Variants in BRWD1 observed in about 807,000 individuals in gnomAD.
The protein encoded by BRWD1 is bromodomain and WD repeat-containing protein 1.
A neutral mutation model predicts 251.2 loss-of-function variants in BRWD1; 82 were observed. The observed-to-expected ratio is 0.33, with a 90% CI of 0.27 to 0.39. The LOEUF is 0.39. Ranked by LOEUF, BRWD1 falls within the 10% of genes least tolerant of loss-of-function variation. The probability of loss-of-function intolerance (pLI) is 1.00; values close to 1 mark genes in which losing one functional copy is unlikely to be tolerated. For missense variants in BRWD1, 2,233 were observed against 2,711.6 expected (o/e 0.82, Z 3.92); for synonymous variants, 918 against 902.8 (o/e 1.02, Z -0.30).
chr21:39,314,397 C>G (rs574874453), upstream of BRWD1: 1 of 452,224 alleles, frequency 2.2e-6, no homozygotes. Context: ...GCTGACGGCT[C>G]GGCTGGATCC....
chr21:39,199,840 T>A (rs761432223), intron 39 of BRWD1, among the ~76,000 whole-genome samples, 178 bp from the exon 40 acceptor site: 11 of 152,212 alleles, frequency 7.2e-5, no homozygotes, highest in Non-Finnish European at 1.5e-4. Context: ...AACCTCTGCC[T>A]CCTGGGTGCA....
intron 4 of BRWD1, among the ~76,000 whole-genome samples, chr21:39,303,645 C>G (rs552319786): frequency 2.3e-4 from 35 of 151,642 alleles, no homozygotes; most frequent in African/African-American, 7.7e-4. Flanking sequence ...GCCTGGGCAA[C>G]ATGGCAAAAC....
intron 27 of BRWD1, 93 bp downstream of exon 27, chr21:39,228,407 A>G: frequency 1.3e-6 from 1 of 791,734 alleles, no homozygotes; most frequent in South Asian, 1.6e-5. Flanking sequence ...ATGTTTGTAT[A>G]TACTATAATT....
chr21:39,268,188 T>C (rs2034986128), intron 15 of BRWD1, among the ~76,000 whole-genome samples: 2 of 152,122 alleles, frequency 1.3e-5, no homozygotes, highest in African/African-American at 4.8e-5. Context: ...ATTAGTTTAA[T>C]AATTATATTG....
chr21:39,318,843 C>T lies in BRWD1; in HGVS notation n.534+2183G>A, dbSNP rs550682926. Reference sequence around the variant, plus strand: ...CTCTGTTGCCCAGGCTGGTCTCAAACTCCTGGCCTCAAGTGATCCTCCCGC... The same window carrying T: ...CTCTGTTGCCCAGGCTGGTCTCAAATTCCTGGCCTCAAGTGATCCTCCCGC... On this transcript the variant is annotated intron_variant and non_coding_transcript_variant, in intron 1 of 4. Transcript: ENST00000470108. Among the ~76,000 whole-genome samples, 33 of 152,268 alleles carry T rather than the reference C, an allele frequency of 2.2e-4. No individual in the cohort carries two copies. In the South Asian group the frequency reaches 3.7e-3, roughly 17 times the overall value.
intron 21 of BRWD1, 63 bp downstream of exon 21, chr21:39,247,638 A>T: frequency 6.7e-7 from 1 of 1,481,548 alleles, no homozygotes; most frequent in South Asian, 1.4e-5. Context: ...ATTCATTCAA[A>T]GTAAAGAATT....
chr21:39,212,666 TCTC>T lies in BRWD1; in HGVS notation c.3897_3899del (p.Arg1300del), dbSNP rs755715693. On this transcript the variant is annotated inframe_deletion and splice_region_variant, in exon 34 of 41. Coordinates refer to ENST00000342449, the MANE Select transcript of BRWD1 (RefSeq NM_033656.4). Reference sequence around the variant, plus strand: ...AAGTCAACCATGCAGAGTAACTTACTCTCCTCCTTCCAGAAGATGTTTTAGGAA... The same window carrying T: ...AAGTCAACCATGCAGAGTAACTTACTCTCCTTCCAGAAGATGTTTTAGGAA... 1.9e-6 allele frequency: 3 copies of T among 1,570,120 alleles called. No individual in the cohort carries two copies. Among genetic ancestry groups the T allele is most frequent in the Non-Finnish European group, 2.6e-6 (3 of 1,145,280 alleles).
chr21:39,312,984 G>GCGGGGGGCCGGGGGCGGT, intron 3 of BRWD1, 84 bp from the exon 4 acceptor site: 1 of 988,378 alleles, frequency 1.0e-6, no homozygotes, highest in Non-Finnish European at 1.3e-6. Context: ...CGGGCGGCGG[G>GCGGGGGGCCGGGGGCGGT]CGGCGGGCGG....
At chr21:39,218,806 T>G in intron 29 of BRWD1, 146 bp from the exon 30 acceptor site, 1 of 595,750 alleles carries the variant, frequency 1.7e-6, no homozygotes, top group South Asian at 4.2e-5. Context: ...TCTTTTAAAA[T>G]TACTCATTGA....
In BRWD1 at chr21:39,264,565, C is replaced by T; in HGVS notation, c.1780G>A (p.Asp594Asn). The change falls in exon 17 of 41, where the codon GAT becomes AAT. Residue 594 changes from aspartate (D) to asparagine (N), a missense_variant. Coordinates refer to ENST00000342449, the MANE Select transcript of BRWD1 (RefSeq NM_033656.4). The stretch of plus-strand genomic sequence containing the variant: ...GTTGGATGAGGATTTCCATCTACAT[C>T]TACCAAGAATGGTGGAGGCATAAGA... ...PHLMPPPFLV[D>N]VDGNPHPTKY... 1 of 1,613,312 alleles carries T rather than the reference C, an allele frequency of 6.2e-7. No individual in the cohort carries two copies. The highest frequency in any genetic ancestry group is 8.5e-7 in the Non-Finnish European group (1 of 1,179,650).
At chr21:39,247,172 G>A (rs538953925) in intron 21 of BRWD1, among the ~76,000 whole-genome samples, 11 of 152,236 alleles carry the variant, frequency 7.2e-5, no homozygotes, top group African/African-American at 2.4e-4. Flanking sequence ...TGGGGGAGAG[G>A]GAGGGACTGG....
chr21:39,202,568 G>T (rs374431702), intron 37 of BRWD1, 23 bp from the exon 38 acceptor site: 2 of 1,539,304 alleles, frequency 1.3e-6, no homozygotes, highest in Non-Finnish European at 1.8e-6. Flanking sequence ...ATGAACAAAG[G>T]AAACAGTATT....
At position 39,255,840 on chromosome 21, in the gene BRWD1, T is replaced by C. The variant is rs768797014; in HGVS notation, c.2072-12A>G. 2 of 1,611,192 alleles carry C rather than the reference T, an allele frequency of 1.2e-6. No individual in the cohort carries two copies. The highest frequency in any genetic ancestry group is 1.1e-5 in the South Asian group (1 of 91,008). On this transcript the variant is annotated splice_polypyrimidine_tract_variant and intron_variant, in intron 18 of 40. Coordinates refer to ENST00000342449, the MANE Select transcript of BRWD1 (RefSeq NM_033656.4). ...CAGCCTTCTAAAACCTAGGAAAATA[T>C]GATGGGGAAGTGATTCCAATACACT...
At chr21:39,264,310 G>A in intron 17 of BRWD1, 150 bp downstream of exon 17, 1 of 533,854 alleles carries the variant, frequency 1.9e-6, no homozygotes. Context: ...AAGTTAAATG[G>A]TTCAAAACAA....
intron 21 of BRWD1, among the ~76,000 whole-genome samples, chr21:39,241,643 AT>A (rs935419399): frequency 2.6e-5 from 4 of 152,130 alleles, no homozygotes; most frequent in African/African-American, 9.7e-5. Flanking sequence ...AGACAAAAAA[AT>A]ACATGTGTCT....
At chr21:39,312,794 G>A (rs971878592) in intron 4 of BRWD1, 47 bp downstream of exon 4, 2 of 1,511,942 alleles carry the variant, frequency 1.3e-6, no homozygotes, top group African/African-American at 1.4e-5. Flanking sequence ...GCGGGGGCGG[G>A]GGGCGGTGCA....
chr21:39,209,454 A>G (rs573490113), intron 36 of BRWD1, among the ~76,000 whole-genome samples: 3 of 152,074 alleles, frequency 2.0e-5, no homozygotes, highest in South Asian at 2.1e-4. Context: ...AAAAAAAGAA[A>G]AAGAAAAACC....
At chr21:39,229,942 T>C (rs2033543574) in intron 25 of BRWD1, among the ~76,000 whole-genome samples, 1 of 152,196 alleles carries the variant, frequency 6.6e-6, no homozygotes. Flanking sequence ...TCTCCCTATG[T>C]TGTCCAGACT....
rs2036597861 is a variant in BRWD1 at position 39,313,588 on chromosome 21, C to G, written c.-97G>C. 1.1e-6 allele frequency: 1 copy of G among 941,464 alleles called. No homozygotes were observed. The highest frequency in any genetic ancestry group is 1.3e-6 in the Non-Finnish European group (1 of 761,002). 58.3% of individuals were successfully genotyped at this position (941,464 alleles called of 1,614,324 possible). A position where few individuals can be genotyped will look rare whatever the true frequency, so the allele number is the denominator to read the frequency against. On this transcript the variant is annotated 5_prime_UTR_variant, in exon 1 of 41. Coordinates refer to ENST00000342449, the MANE Select transcript of BRWD1 (RefSeq NM_033656.4). ...GGCTGGCGTCCCCTCTTCTCAGGCG[C>G]GCGCCGCCGCCGCCGCCGCCGCCGC...
Sources: allele counts gnomAD v4.1 joint callset (sites outside exome capture counted in the v4.1 genomes callset), GRCh38; gene constraint gnomAD v4.1.1; transcripts MANE v1.5; gene names NCBI Gene and HGNC (gene_info 2026-07-23, HGNC 2026-07-21).